The following DCAF10 variants were observed in gnomAD, a reference collection of about 807,000 sequenced individuals.
DCAF10 encodes the protein DDB1 and CUL4 associated factor 10, also known as DDB1- and CUL4-associated factor 10.
DCAF10 carries 19 observed loss-of-function variants against 51.9 expected under a neutral mutation model. That is an observed-to-expected ratio of 0.37 (90% CI 0.26 to 0.54). The LOEUF (loss-of-function observed/expected upper bound fraction) is 0.54. DCAF10 is among the 20% of genes least tolerant of loss of function. The pLI, the probability that DCAF10 is intolerant of heterozygous loss-of-function variation, is 0.87. For synonymous variants in DCAF10, 291 were observed against 297.1 expected (o/e 0.98, Z 0.21); for missense variants, 510 against 730.6 (o/e 0.70, Z 3.48).
At chr9:37,809,234 T>C (rs1404806787) in intron 1 of DCAF10, among the ~76,000 whole-genome samples, 3 of 151,942 alleles carry the variant, frequency 2.0e-5, no homozygotes, top group Non-Finnish European at 4.4e-5. Context: ...TCTCAAAACT[T>C]GTGGGATACA....
At position 37,854,682 on chromosome 9, in the gene DCAF10, C is replaced by T. The variant is rs1830794389; in HGVS notation, c.852-98C>T. 4 of 1,125,514 alleles carry T rather than the reference C, an allele frequency of 3.6e-6. No homozygotes were observed. The South Asian group carries it at 4.6e-5, about 13-fold the overall frequency. 69.7% of individuals were successfully genotyped at this position (1,125,514 alleles called of 1,614,324 possible). Reference sequence around the variant, plus strand: ...GCCCATTGACCAAGCTCTTCTCATCCTCCCTACATTTTATTTTGAAGGGCA... The same window carrying T: ...GCCCATTGACCAAGCTCTTCTCATCTTCCCTACATTTTATTTTGAAGGGCA... On this transcript the variant is annotated intron_variant, in intron 3 of 6. Transcript: ENST00000377724.
chr9:37,800,974 G>A lies in DCAF10; in HGVS notation c.108G>A (p.Ser36=). ...AGGCAGCAGCCACCGGGCCGCCCTC[G>A]CCACTACATCCCGGGGCTGATGCGA... ...EGQAAATGPP[S]PLHPGADATH... is the part of the protein sequence containing the mutation. The change falls in exon 1 of 7, where the codon TCG becomes TCA. Residue 36 remains serine (S), a synonymous_variant. Transcript: ENST00000377724. 6.6e-7 allele frequency: 1 copy of A among 1,520,314 alleles called. No individual in the cohort carries two copies. 94.2% of individuals were successfully genotyped at this position (1,520,314 alleles called of 1,614,324 possible). A position where few individuals can be genotyped will look rare whatever the true frequency, so the allele number is the denominator to read the frequency against.
chr9:37,815,970 T>G (rs1450127372), intron 1 of DCAF10, among the ~76,000 whole-genome samples: 1 of 152,102 alleles, frequency 6.6e-6, no homozygotes, highest in African/African-American at 2.4e-5. Flanking sequence ...ATTTTTAAAT[T>G]TTTTGTAGAG....
intron 2 of DCAF10, chr9:37,836,261 C>T (rs1830163005): frequency 1.3e-6 from 2 of 1,568,778 alleles, no homozygotes; most frequent in Non-Finnish European, 1.8e-6. Context: ...CAGATGTCTA[C>T]GTGGAATATA....
At chr9:37,815,895 C>G (rs1313500481) in intron 1 of DCAF10, among the ~76,000 whole-genome samples, 1 of 152,062 alleles carries the variant, frequency 6.6e-6, no homozygotes, top group Non-Finnish European at 1.5e-5. Context: ...CCTGACTCAG[C>G]TGATCCTCCC....
intron 1 of DCAF10, among the ~76,000 whole-genome samples, chr9:37,802,938 C>T (rs1242741259): frequency 2.6e-5 from 4 of 152,152 alleles, no homozygotes; most frequent in Non-Finnish European, 5.9e-5. Flanking sequence ...CAACCTCCTA[C>T]CGATACTTTC....
intron 5 of DCAF10, among the ~76,000 whole-genome samples, chr9:37,857,793 T>C (rs897995178): frequency 1.3e-5 from 2 of 152,172 alleles, no homozygotes; most frequent in South Asian, 2.1e-4. Flanking sequence ...TTCCAAGGGT[T>C]TGTAGGATAA....
intron 4 of DCAF10, among the ~76,000 whole-genome samples, chr9:37,856,627 A>G (rs897041010): frequency 2.6e-5 from 4 of 152,152 alleles, no homozygotes; most frequent in Admixed American, 1.3e-4. Flanking sequence ...ATTTTTTTCA[A>G]TGTAAACTTT....
intron 1 of DCAF10, among the ~76,000 whole-genome samples, chr9:37,807,205 G>A (rs1277913505): frequency 6.6e-6 from 1 of 152,108 alleles, no homozygotes; most frequent in East Asian, 1.9e-4. Flanking sequence ...TTTTAGGCCA[G>A]GTATGGCAGC....
upstream of DCAF10, chr9:37,800,742 G>C: frequency 6.5e-7 from 1 of 1,533,950 alleles, no homozygotes; most frequent in South Asian, 1.2e-5. Context: ...CGGTGGCCGA[G>C]GGGCGGCGCG....
rs1829524357 is a variant in DCAF10 at position 37,816,145 on chromosome 9, G to A, written c.540-3143G>A. On this transcript the variant is annotated intron_variant, in intron 1 of 6. Coordinates refer to ENST00000377724, the MANE Select transcript of DCAF10 (RefSeq NM_024345.5). ...ATTCAAATATAAAAAAAAATCAAGT[G>A]CCCAGGAATAAGTTCAACAGAAGGT... Among the ~76,000 whole-genome samples the A allele has an allele frequency of 2.0e-5, 3 of 152,214 alleles. No individual in the cohort carries two copies. The South Asian group carries it at 6.2e-4, about 32-fold the overall frequency.
intron 2 of DCAF10, among the ~76,000 whole-genome samples, chr9:37,830,418 A>T (rs960338709): frequency 3.3e-5 from 5 of 152,206 alleles, no homozygotes; most frequent in African/African-American, 1.2e-4. Flanking sequence ...TTTACAGAGA[A>T]AAAACTGAAC....
chr9:37,811,392 T>C (rs969268721), intron 1 of DCAF10, among the ~76,000 whole-genome samples: 2 of 152,208 alleles, frequency 1.3e-5, no homozygotes, highest in East Asian at 3.8e-4. Context: ...CCCTATAATT[T>C]TTGTATACAG....
At position 37,819,398 on chromosome 9, in the gene DCAF10, T is replaced by G; in HGVS notation, c.650T>G (p.Ile217Ser). The change falls in exon 2 of 7, where the codon ATC (isoleucine) becomes AGC (serine). Residue 217 changes from isoleucine (I) to serine (S), a missense_variant. Physicochemically the swap from Ile to Ser is moderately radical, Grantham distance 142 (BLOSUM62 -2). Around this residue, in one of 4 missense-constraint regions of DCAF10, gnomAD observed 126 missense variants for 271.5 expected, o/e 0.46. Transcript: ENST00000377724. The part of the protein sequence containing the change: ...SEAHEDCVNN[I>S]RFLDNRLFAT... Reference sequence around the variant, plus strand: ...GCTCATGAAGACTGTGTAAATAATATCAGGTTAGTATTATAGTGAAAAAGT... The same window carrying G: ...GCTCATGAAGACTGTGTAAATAATAGCAGGTTAGTATTATAGTGAAAAAGT... 2 of 1,609,828 alleles carry G rather than the reference T, an allele frequency of 1.2e-6. No homozygotes were observed.
At chr9:37,853,401 A>C (rs1457287949) in intron 3 of DCAF10, among the ~76,000 whole-genome samples, 2 of 104,574 alleles carry the variant, frequency 1.9e-5, no homozygotes, top group Non-Finnish European at 4.0e-5. Flanking sequence ...CGACAAGAGC[A>C]AAACTCCATC....
chr9:37,852,168 C>T (rs1033607973), intron 3 of DCAF10, among the ~76,000 whole-genome samples: 23 of 152,112 alleles, frequency 1.5e-4, no homozygotes, highest in African/African-American at 4.3e-4. Context: ...AGATAAATTA[C>T]GCAAAGTAAT....
chr9:37,861,231 C>G lies in DCAF10; in HGVS notation c.1403C>G (p.Ala468Gly), dbSNP rs375659508. 1 of 1,614,042 alleles carries G rather than the reference C, an allele frequency of 6.2e-7. No individual in the cohort carries two copies. The highest frequency in any genetic ancestry group is 1.3e-5 in the African/African-American group (1 of 74,916). ...SLRLTHYIEEANVGRGYIKEL... is the reference protein window; with the variant it reads ...SLRLTHYIEEGNVGRGYIKEL... ...CGACTGACTCATTACATTGAAGAAG[C>G]CAATGTAGGCAGGGGTTACATCAAA... Residue 468 changes from alanine (A) to glycine (G), a missense_variant, in exon 7 of 7, where the codon GCC becomes GGC. This residue lies in a region of DCAF10 where 104 missense variants were observed against 206.2 expected (regional missense o/e 0.50). Coordinates refer to ENST00000377724, the MANE Select transcript of DCAF10 (RefSeq NM_024345.5). This position sits in a 1 kb window ranked among gnomAD's most constrained non-coding sequence, Gnocchi z 4.9.
At chr9:37,834,214 G>A (rs61069698) in intron 2 of DCAF10, among the ~76,000 whole-genome samples, 29,163 of 151,990 alleles carry the variant, frequency 0.19, 3,203 homozygotes, top group African/African-American at 0.29. Flanking sequence ...CTGGAATTAC[G>A]GGAGTGAGAC....
intron 5 of DCAF10, 133 bp from the exon 6 acceptor site, chr9:37,859,915 A>G: frequency 9.2e-7 from 1 of 1,092,340 alleles, no homozygotes; most frequent in South Asian, 1.5e-5. Context: ...CACGCTCTTT[A>G]ACATATGGTA....
Sources: allele counts gnomAD v4.1 joint callset (sites outside exome capture counted in the v4.1 genomes callset), GRCh38; gene constraint gnomAD v4.1.1; regional missense constraint gnomAD v4.1.1; non-coding constraint Gnocchi (gnomAD v3.1); transcripts MANE v1.5; gene names NCBI Gene and HGNC (gene_info 2026-07-23, HGNC 2026-07-21).